The following LRRIQ1 variants were observed in gnomAD, a reference collection of about 807,000 sequenced individuals.
The protein encoded by LRRIQ1 is leucine rich repeats and IQ motif containing 1.
LRRIQ1 carries 210 observed loss-of-function variants against 211.9 expected under a neutral mutation model. The observed-to-expected ratio is 0.99, with a 90% CI of 0.89 to 1.11. The LOEUF (loss-of-function observed/expected upper bound fraction) is 1.11. Ranked by LOEUF, LRRIQ1 falls within the 50% of genes most tolerant of loss-of-function variation. LRRIQ1 has a pLI of 0.00. For synonymous variants in LRRIQ1, 699 were observed against 650.1 expected (o/e 1.08, Z -1.14); for missense variants, 2,136 against 1,939.5 (o/e 1.10, Z -1.90).
At position 85,047,467 on chromosome 12, in the gene LRRIQ1, G is replaced by A. The variant is rs771396016; in HGVS notation, c.675G>A (p.Gln225=). The A allele has an allele frequency of 6.2e-7, 1 of 1,609,780 alleles. No individual in the cohort carries two copies. The highest frequency in any genetic ancestry group is 8.5e-7 in the Non-Finnish European group (1 of 1,178,310). The change falls in exon 6 of 27, where the codon CAG becomes CAA. Residue 225 remains glutamine, a synonymous_variant. Coordinates refer to ENST00000393217, the MANE Select transcript of LRRIQ1 (RefSeq NM_001079910.2). ...AAAAGAAGAAATTAGAGAACATTCA[G>A]AAGGTATTTTGCTTTTGTTTTTCAT... ...KVEKKKLENI[Q]KQEQDKMNDE... is the part of the protein sequence containing the mutation.
rs757607425 is a variant in LRRIQ1 at position 85,098,483 on chromosome 12, G to A, written c.3016G>A (p.Val1006Ile). The change falls in exon 12 of 27, where the codon GTA (valine) becomes ATA (isoleucine). Residue 1006 changes from valine (V) to isoleucine (I), a missense_variant. Coordinates refer to ENST00000393217, the MANE Select transcript of LRRIQ1 (RefSeq NM_001079910.2). ...TTGCTCCCATAATCATCTTACTGATGTAGAGGGCGTTGAAAATTGTGGATT... is the reference window on the plus strand; with the variant it reads ...TTGCTCCCATAATCATCTTACTGATATAGAGGGCGTTGAAAATTGTGGATT... ...LDCSHNHLTD[V>I]EGVENCGLLQ... is the part of the protein sequence containing the mutation. 3.1e-6 allele frequency: 5 copies of A among 1,611,754 alleles called. No individual in the cohort carries two copies. Among genetic ancestry groups the A allele is most frequent in the African/African-American group, 1.3e-5 (1 of 74,818 alleles).
chr12:85,195,932 G>C (rs537331653), intron 24 of LRRIQ1, among the ~76,000 whole-genome samples: 12 of 151,472 alleles, frequency 7.9e-5, no homozygotes, highest in African/African-American at 2.4e-4. Flanking sequence ...AAACCCCATC[G>C]TCTCAGCCCA....
chr12:85,153,655 A>G lies in LRRIQ1; in HGVS notation c.4542-8A>G. On this transcript the variant is annotated splice_region_variant and splice_polypyrimidine_tract_variant and intron_variant, in intron 21 of 26. Coordinates refer to ENST00000393217, the MANE Select transcript of LRRIQ1 (RefSeq NM_001079910.2). Reference sequence around the variant, plus strand: ...ATTCAGTTAAAAGTGGTTTTTTTCTATTGCCAGATCAGAAAATAAAACTTC... The same window carrying G: ...ATTCAGTTAAAAGTGGTTTTTTTCTGTTGCCAGATCAGAAAATAAAACTTC... The G allele has an allele frequency of 1.3e-6, 2 of 1,564,756 alleles. No individual in the cohort carries two copies. The highest frequency in any genetic ancestry group is 1.2e-5 in the South Asian group (1 of 83,906).
At position 85,044,707 on chromosome 12, in the gene LRRIQ1, T is replaced by C; in HGVS notation, c.245-11T>C. ...AATATTGGAAGTTATATACATTTTT[T>C]CTTTCTCTAGGCTGTAGTTATGGAG... On this transcript the variant is annotated splice_polypyrimidine_tract_variant and intron_variant, in intron 3 of 26. Coordinates refer to ENST00000393217, the MANE Select transcript of LRRIQ1 (RefSeq NM_001079910.2). 1.2e-5 allele frequency: 17 copies of C among 1,394,368 alleles called. No homozygotes were observed. The highest frequency in any genetic ancestry group is 1.6e-5 in the Non-Finnish European group (16 of 996,832). 86.4% of individuals were successfully genotyped at this position (1,394,368 alleles called of 1,614,324 possible).
Position 85,127,968 on chromosome 12 carries a change from A to C in LRRIQ1, c.4144A>C (p.Lys1382Gln), listed in dbSNP as rs773372245. 6.2e-7 allele frequency: 1 copy of C among 1,613,712 alleles called. No individual in the cohort carries two copies. The highest frequency in any genetic ancestry group is 1.1e-5 in the South Asian group (1 of 91,088). The change falls in exon 18 of 27, where the codon AAA (lysine) becomes CAA (glutamine). Residue 1382 changes from lysine (K) to glutamine (Q), a missense_variant. Physicochemically the swap from Lys to Gln is moderately conservative, Grantham distance 53. Transcript: ENST00000393217. The stretch of plus-strand genomic sequence containing the variant: ...CATCAAGAATCAGACTATTTTAAAG[A>C]AAGGAAAAAGAGAAAATATTGTGAA... ...SSIKNQTILK[K>Q]GKRENIVNIR...
At chr12:85,185,228 T>G (rs1892170115) in intron 24 of LRRIQ1, among the ~76,000 whole-genome samples, 1 of 151,980 alleles carries the variant, frequency 6.6e-6, no homozygotes, top group South Asian at 2.1e-4. Flanking sequence ...CAGATGAATG[T>G]TGAACTATTG....
chr12:85,241,194 T>G (rs917036119), intron 26 of LRRIQ1, among the ~76,000 whole-genome samples: 2 of 151,972 alleles, frequency 1.3e-5, no homozygotes, highest in Non-Finnish European at 2.9e-5. Context: ...GGGAACTCAT[T>G]GCTATATTTT....
chr12:85,088,483 A>G (rs1431572725), intron 11 of LRRIQ1, among the ~76,000 whole-genome samples: 9 of 152,206 alleles, frequency 5.9e-5, no homozygotes, highest in Admixed American at 3.9e-4. Context: ...TTCTGTGAAG[A>G]AAGTCATTGG....
chr12:85,084,158 A>G (rs1250193502), intron 11 of LRRIQ1, among the ~76,000 whole-genome samples: 1 of 152,198 alleles, frequency 6.6e-6, no homozygotes, highest in East Asian at 1.9e-4. Context: ...ATAACATTCT[A>G]TGCCTATTAT....
intron 19 of LRRIQ1, among the ~76,000 whole-genome samples, chr12:85,139,652 G>A (rs1011147192): frequency 2.6e-5 from 4 of 151,346 alleles, no homozygotes; most frequent in African/African-American, 9.7e-5. Flanking sequence ...AATGAATTAT[G>A]AATTTGTGAA....
chr12:85,037,972 T>G (rs905763926), intron 1 of LRRIQ1, among the ~76,000 whole-genome samples, 181 bp from the exon 2 acceptor site: 5 of 151,960 alleles, frequency 3.3e-5, no homozygotes, highest in Non-Finnish European at 7.4e-5. Flanking sequence ...TTGATCATTT[T>G]GTAGTCAAAG....
intron 24 of LRRIQ1, among the ~76,000 whole-genome samples, chr12:85,197,265 T>C (rs1338501996): frequency 1.3e-5 from 2 of 151,542 alleles, no homozygotes; most frequent in Non-Finnish European, 3.0e-5. Flanking sequence ...TGGAAGTCAG[T>C]GTGGCGATTC....
chr12:85,185,775 TTTGA>T (rs1026502292), intron 24 of LRRIQ1, among the ~76,000 whole-genome samples: 1 of 152,038 alleles, frequency 6.6e-6, no homozygotes, highest in Non-Finnish European at 1.5e-5. Flanking sequence ...ATTTTTGCTC[TTTGA>T]TTTAAATGAA....
rs190853375 is a variant in LRRIQ1 at position 85,144,158 on chromosome 12, A to G, written c.4329+6189A>G. Among the ~76,000 whole-genome samples, 334 of 151,748 alleles carry G rather than the reference A, an allele frequency of 2.2e-3. 2 individuals carry two copies. Among genetic ancestry groups the G allele is most frequent in the African/African-American group, 7.9e-3 (327 of 41,472 alleles). ...TTAGCTCCAACTTATAAGTGAGAACATGCAGTATTTGGTTTTCTGAACCTG... is the reference window on the plus strand; with the variant it reads ...TTAGCTCCAACTTATAAGTGAGAACGTGCAGTATTTGGTTTTCTGAACCTG... On this transcript the variant is annotated intron_variant, in intron 19 of 26. Transcript: ENST00000393217.
chr12:85,160,400 G>A (rs1890799452), intron 23 of LRRIQ1, among the ~76,000 whole-genome samples: 2 of 151,920 alleles, frequency 1.3e-5, no homozygotes, highest in Admixed American at 1.3e-4. Context: ...TGTTCTTTAA[G>A]TATTGGCTAT....
chr12:85,143,118 A>G (rs1431677105), intron 19 of LRRIQ1, among the ~76,000 whole-genome samples: 1 of 151,546 alleles, frequency 6.6e-6, no homozygotes, highest in African/African-American at 2.4e-5. Context: ...TTACCAGCAC[A>G]TGTTATCTTT....
chr12:85,098,450 T>G lies in LRRIQ1; in HGVS notation c.2983T>G (p.Tyr995Asp), dbSNP rs371656135. ...KGLCDTPTIV[Y>D]LDCSHNHLTD... ...TCTTTGTGATACACCTACCATTGTA[T>G]ACCTAGATTGCTCCCATAATCATCT... Residue 995 changes from tyrosine to aspartate, a missense_variant, in exon 12 of 27, where the codon TAC becomes GAC. By Grantham distance (160) the Tyr-to-Asp change is radical. Transcript: ENST00000393217. 3.7e-6 allele frequency: 6 copies of G among 1,611,300 alleles called. No individual in the cohort carries two copies. The highest frequency in any genetic ancestry group is 5.1e-6 in the Non-Finnish European group (6 of 1,178,394).
At chr12:85,100,157 A>C (rs1180925291) in intron 13 of LRRIQ1, among the ~76,000 whole-genome samples, 1 of 151,824 alleles carries the variant, frequency 6.6e-6, no homozygotes, top group East Asian at 1.9e-4. Context: ...CGTATTTTAT[A>C]AAAGTGGACC....
rs994880790 is a variant in LRRIQ1 at position 85,045,912 on chromosome 12, A to T, written c.337-108A>T. The T allele has an allele frequency of 5.9e-6, 3 of 506,266 alleles. No homozygotes were observed. The East Asian group carries it at 9.0e-5, about 15-fold the overall frequency. The allele number at this position is 506,266 out of a possible 1,614,324, so 31.4% of individuals were successfully genotyped here. The stretch of plus-strand genomic sequence containing the variant: ...TGTATTTGAGAGATATCTGGAGTAC[A>T]TTAAAATTCTTGGTATATACATATA... On this transcript the variant is annotated intron_variant, in intron 4 of 26. Coordinates refer to ENST00000393217, the MANE Select transcript of LRRIQ1 (RefSeq NM_001079910.2).
Sources: gnomAD v4.1 joint callset for allele counts (sites outside exome capture counted in the v4.1 genomes callset) on GRCh38, gnomAD v4.1.1 for gene constraint, MANE v1.5 for transcripts, NCBI Gene and HGNC (gene_info 2026-07-23, HGNC 2026-07-21) for gene names.